Variants in UGT1A6 observed in about 807,000 individuals in gnomAD.
UGT1A6 encodes the protein UDP-glucuronosyltransferase 1A6.
Under a neutral mutation model 44.4 loss-of-function variants are expected in UGT1A6, and 32 were observed. The ratio of observed to expected loss-of-function variants is 0.72; its 90% confidence interval spans 0.54 to 0.97. The LOEUF is 0.97. Ranked by LOEUF, UGT1A6 falls within the 50% of genes least tolerant of loss-of-function variation. The probability of loss-of-function intolerance (pLI) is 0.00; values close to 1 mark genes in which losing one functional copy is unlikely to be tolerated. For missense variants in UGT1A6, 685 were observed against 661.9 expected, an observed-to-expected ratio of 1.03 and a Z score of -0.38; for synonymous variants, 238 against 248.5, an observed-to-expected ratio of 0.96 and a Z score of 0.40.
chr2:233,754,633 C>G (rs1196115983), intron 1 of UGT1A6: 1 of 444,794 alleles, frequency 2.2e-6, no homozygotes, highest in Non-Finnish European at 4.5e-6. Context: ...TCCACCCTTT[C>G]TTGGCCATTC....
intron 1 of UGT1A6, chr2:233,743,956 G>A (rs184316279): frequency 9.0e-5 from 120 of 1,338,248 alleles, no homozygotes; most frequent in Middle Eastern, 2.2e-4. Flanking sequence ...CTGGCACAGC[G>A]AGCGGCAAGG....
In UGT1A6 at chr2:233,693,323, G is replaced by T; in HGVS notation, c.319G>T (p.Ala107Ser). Residue 107 changes from alanine (A) to serine (S), a missense_variant, in exon 1 of 5, where the codon GCT becomes TCT. By Grantham distance (99) the Ala-to-Ser change is moderately conservative. Transcript: ENST00000305139. Reference sequence around the variant, plus strand: ...CTTTGCTGAGCGATCATTCCTAACTGCTCCTCAGACAGAGTACAGGAATAA... The same window carrying T: ...CTTTGCTGAGCGATCATTCCTAACTTCTCCTCAGACAGAGTACAGGAATAA... ...NHFAERSFLT[A>S]PQTEYRNNMI... 5 of 1,614,140 alleles carry T rather than the reference G, an allele frequency of 3.1e-6. No individual in the cohort carries two copies. The highest frequency in any genetic ancestry group is 4.2e-6 in the Non-Finnish European group (5 of 1,180,042).
intron 1 of UGT1A6, among the ~76,000 whole-genome samples, chr2:233,759,177 G>A (rs926803147): frequency 1.3e-5 from 2 of 152,142 alleles, no homozygotes; most frequent in East Asian, 1.9e-4. Flanking sequence ...CAGGTTTCAC[G>A]GCAAAAAGTT....
chr2:233,725,132 C>T (rs1359096570), intron 1 of UGT1A6, among the ~76,000 whole-genome samples: 15 of 135,486 alleles, frequency 1.1e-4, no homozygotes, highest in African/African-American at 4.2e-4. Flanking sequence ...GCCGAGATGG[C>T]AGCAGTACAG....
intron 1 of UGT1A6, among the ~76,000 whole-genome samples, chr2:233,738,177 G>A (rs1690719124): frequency 1.3e-5 from 2 of 152,158 alleles, no homozygotes; most frequent in Non-Finnish European, 2.9e-5. Context: ...TTTCATGTAA[G>A]ACGTGTCTTT....
Position 233,772,737 on chromosome 2 carries a change from G to A in UGT1A6, c.*178G>A. ...ATAAAAATAATAGACTCGCTAGTCA[G>A]TAAAGATATTTGAATATGTATCGTG... On this transcript the variant is annotated 3_prime_UTR_variant, in exon 5 of 5. Transcript: ENST00000305139. The A allele has an allele frequency of 7.0e-7, 1 of 1,436,900 alleles. No individual in the cohort carries two copies. Among genetic ancestry groups the A allele is most frequent in the Non-Finnish European group, 9.1e-7 (1 of 1,096,214 alleles). 89.0% of individuals were successfully genotyped at this position (1,436,900 alleles called of 1,614,324 possible). A position where few individuals can be genotyped will look rare whatever the true frequency, so the allele number is the denominator to read the frequency against.
chr2:233,729,548 T>G (rs1482576119), intron 1 of UGT1A6: 2 of 1,614,102 alleles, frequency 1.2e-6, no homozygotes, highest in African/African-American at 2.7e-5. Context: ...ATCAGGCACC[T>G]GAATGCTACT....
At chr2:233,717,109 C>T (rs1330348180) in intron 1 of UGT1A6, among the ~76,000 whole-genome samples, 1 of 152,134 alleles carries the variant, frequency 6.6e-6, no homozygotes, top group East Asian at 1.9e-4. Flanking sequence ...CTAAATAAAA[C>T]ACCACTACAT....
At chr2:233,711,829 G>A (rs1274082767) in intron 1 of UGT1A6, among the ~76,000 whole-genome samples, 2 of 152,240 alleles carry the variant, frequency 1.3e-5, no homozygotes, top group African/African-American at 4.8e-5. Context: ...ACCAGGACAA[G>A]GAGGCGTCAG....
intron 1 of UGT1A6, chr2:233,754,349 G>A (rs1243169158): frequency 7.7e-6 from 2 of 260,182 alleles, no homozygotes; most frequent in African/African-American, 4.5e-5. Context: ...ATAGCAAATT[G>A]CATACAGATA....
chr2:233,760,256 G>A (rs2125981290), intron 1 of UGT1A6: 1 of 1,610,940 alleles, frequency 6.2e-7, no homozygotes, highest in South Asian at 1.1e-5. Context: ...ATAAGTAGGA[G>A]AGGGCGAACC....
chr2:233,769,855 C>G lies in UGT1A6; in HGVS notation c.1301+1416C>G. On this transcript the variant is annotated intron_variant, in intron 4 of 4. Transcript: ENST00000305139. The surrounding 1 kb of genome is among the most constrained non-coding windows in gnomAD (Gnocchi z 4.4). ...CCTGGGCAACAGAGTGAGACCCTGT[C>G]TCAAAAAAAAAAAAAAAAATGAAAA... is the stretch of plus-strand genomic sequence containing the variant. The G allele has an allele frequency of 2.7e-6, 1 of 372,080 alleles. No individual in the cohort carries two copies. The highest frequency in any genetic ancestry group is 7.2e-5 in the South Asian group (1 of 13,958). 23.0% of individuals were successfully genotyped at this position (372,080 alleles called of 1,614,324 possible).
intron 1 of UGT1A6, chr2:233,754,908 T>C: frequency 7.4e-7 from 1 of 1,352,648 alleles, no homozygotes; most frequent in Non-Finnish European, 9.9e-7. Flanking sequence ...CCCCAAAATA[T>C]TCTCCAGCGG....
chr2:233,759,599 A>ACCCCCCCCCCCCCCC (rs1553620419), intron 1 of UGT1A6, among the ~76,000 whole-genome samples: 9 of 108,734 alleles, frequency 8.3e-5, no homozygotes, highest in African/African-American at 2.3e-4. Flanking sequence ...CCCACCCCCG[A>ACCCCCCCCCCCCCCC]CCCGCCCCAC....
At chr2:233,724,520 T>A (rs200973045) in intron 1 of UGT1A6, among the ~76,000 whole-genome samples, 1 of 103,540 alleles carries the variant, frequency 9.7e-6, no homozygotes, top group African/African-American at 4.1e-5. Flanking sequence ...ACCTCCCAGA[T>A]GGGGTCTCGC....
intron 1 of UGT1A6, among the ~76,000 whole-genome samples, chr2:233,735,255 T>C (rs1489550965): frequency 6.6e-6 from 1 of 152,240 alleles, no homozygotes; most frequent in Non-Finnish European, 1.5e-5. Flanking sequence ...ATTGCTCCCT[T>C]TACCATTATG....
At chr2:233,767,806 A>G in intron 2 of UGT1A6, 43 bp from the exon 3 acceptor site, 1 of 1,614,116 alleles carries the variant, frequency 6.2e-7, no homozygotes, top group Non-Finnish European at 8.5e-7. Flanking sequence ...TTCTAATCAT[A>G]TTATGTTCTT....
intron 1 of UGT1A6, 132 bp downstream of exon 1, chr2:233,693,997 C>T (rs2075194295): frequency 2.7e-6 from 4 of 1,507,132 alleles, no homozygotes; most frequent in Non-Finnish European, 3.6e-6. Flanking sequence ...TGATACCCGG[C>T]TCGGAGCAGC....
At chr2:233,727,367 A>G (rs1174142839) in intron 1 of UGT1A6, among the ~76,000 whole-genome samples, 6 of 152,052 alleles carry the variant, frequency 3.9e-5, no homozygotes, top group Non-Finnish European at 7.4e-5. Flanking sequence ...TAGGGCCCCT[A>G]GGTCTCTGGA....
Sources: gnomAD v4.1 joint callset for allele counts (sites outside exome capture counted in the v4.1 genomes callset) on GRCh38, gnomAD v4.1.1 for gene constraint, Gnocchi (gnomAD v3.1) non-coding constraint, MANE v1.5 for transcripts, NCBI Gene and HGNC (gene_info 2026-07-23, HGNC 2026-07-21) for gene names.